The following DGCR8 variants were observed in gnomAD, a reference collection of about 807,000 sequenced individuals.
DGCR8 encodes microprocessor complex subunit DGCR8.
DGCR8 carries 14 observed loss-of-function variants against 78.5 expected under a neutral mutation model. That is an observed-to-expected ratio of 0.18 (90% CI 0.12 to 0.28). The LOEUF (loss-of-function observed/expected upper bound fraction) is 0.28, where lower values mean the gene tolerates loss of function less well. DGCR8 is among the 10% of genes least tolerant of loss of function. DGCR8 has a pLI of 1.00. For missense variants in DGCR8, 702 were observed against 1,022.5 expected, an observed-to-expected ratio of 0.69 and a Z score of 4.28; for synonymous variants, 399 against 402.4, an observed-to-expected ratio of 0.99 and a Z score of 0.10.
intron 11 of DGCR8, chr22:20,107,034 G>A (rs1047164971): frequency 6.9e-6 from 4 of 583,118 alleles, no homozygotes; most frequent in South Asian, 6.1e-5. Context: ...TCTCGGCTGC[G>A]TGGCTTTGAG....
At chr22:20,107,560 C>T in intron 12 of DGCR8, 162 bp downstream of exon 12, 3 of 787,424 alleles carry the variant, frequency 3.8e-6, no homozygotes, top group South Asian at 3.4e-5. Flanking sequence ...GGGGTGGGGT[C>T]GTCCCAGCTA....
chr22:20,087,447 C>G lies in DGCR8; in HGVS notation c.880+126C>G, dbSNP rs2147917334. ...GGCTGGGTGGAGGCATGTTTGAGGA[C>G]AGGACAGAAATATCTGAGGAGGGAA... On this transcript the variant is annotated intron_variant, in intron 3 of 13. Coordinates refer to ENST00000351989, the MANE Select transcript of DGCR8 (RefSeq NM_022720.7). This position sits in a 1 kb window ranked among gnomAD's most constrained non-coding sequence, Gnocchi z 4.1. The G allele has an allele frequency of 1.8e-6, 2 of 1,110,444 alleles. No homozygotes were observed. The highest frequency in any genetic ancestry group is 2.5e-6 in the Non-Finnish European group (2 of 792,816). 68.8% of individuals were successfully genotyped at this position (1,110,444 alleles called of 1,614,324 possible). A position where few individuals can be genotyped will look rare whatever the true frequency, so the allele number is the denominator to read the frequency against.
chr22:20,092,580 T>C (rs1368185780), intron 7 of DGCR8, among the ~76,000 whole-genome samples: 1 of 151,984 alleles, frequency 6.6e-6, no homozygotes, highest in African/African-American at 2.4e-5. Flanking sequence ...TGGCTCACCA[T>C]CTCCCACGTG....
Position 20,089,349 on chromosome 22 carries a change from GC to G in DGCR8, c.881-319del, listed in dbSNP as rs1368873265. Among the ~76,000 whole-genome samples the G allele has an allele frequency of 1.3e-5, 2 of 152,232 alleles. No homozygotes were observed. The highest frequency in any genetic ancestry group is 2.9e-5 in the Non-Finnish European group (2 of 68,044). On this transcript the variant is annotated intron_variant, in intron 3 of 13. Coordinates refer to ENST00000351989, the MANE Select transcript of DGCR8 (RefSeq NM_022720.7). The surrounding 1 kb of genome is among the most constrained non-coding windows in gnomAD (Gnocchi z 4.9). ...GGCGCCTCTGGCCACAACCAGACAG[GC>G]AGCAAAGGAGTCCAGTGTCCACAGT... is the stretch of plus-strand genomic sequence containing the variant.
intron 12 of DGCR8, 156 bp from the exon 13 acceptor site, chr22:20,108,734 A>C (rs2049799308): frequency 7.5e-6 from 3 of 399,524 alleles, no homozygotes; most frequent in Non-Finnish European, 1.4e-5. Flanking sequence ...CGGGCCAGTC[A>C]GCATGCAGTT....
chr22:20,100,415 G>A (rs2049683680), intron 9 of DGCR8: 1 of 985,280 alleles, frequency 1.0e-6, no homozygotes, highest in Non-Finnish European at 1.2e-6. Context: ...ATGGCTCCCA[G>A]GGAGGCTTCC....
chr22:20,100,919 G>T (rs1213664372), intron 9 of DGCR8: 1 of 825,538 alleles, frequency 1.2e-6, no homozygotes, highest in Non-Finnish European at 1.5e-6. Context: ...GCAAATGGGG[G>T]CCCCTGCCAC....
chr22:20,105,033 C>T (rs1052681168), intron 9 of DGCR8, among the ~76,000 whole-genome samples: 3 of 152,244 alleles, frequency 2.0e-5, no homozygotes, highest in African/African-American at 7.2e-5. Flanking sequence ...GTGGGGGAAG[C>T]ACTGTGAGGG....
chr22:20,093,410 A>C (rs373963073), intron 8 of DGCR8, among the ~76,000 whole-genome samples: 1 of 152,096 alleles, frequency 6.6e-6, no homozygotes, highest in East Asian at 1.9e-4. Flanking sequence ...GTCTAAAAAA[A>C]AAAAAGTAGA....
At chr22:20,091,307 CCCTTTGAA>C in intron 5 of DGCR8, 120 bp from the exon 6 acceptor site, 1 of 881,780 alleles carries the variant, frequency 1.1e-6, no homozygotes, top group South Asian at 1.6e-5. Flanking sequence ...TGCTTCCCTC[CCCTTTGAA>C]AGGGACGGGG....
At chr22:20,094,958 A>C (rs1329634503) in intron 9 of DGCR8, among the ~76,000 whole-genome samples, 163 bp downstream of exon 9, 1 of 152,076 alleles carries the variant, frequency 6.6e-6, no homozygotes, top group Admixed American at 6.5e-5. Context: ...TTTCATAAAG[A>C]GGAAACTTGC....
intron 8 of DGCR8, among the ~76,000 whole-genome samples, chr22:20,093,992 G>C (rs546016626): frequency 6.6e-6 from 1 of 152,182 alleles, no homozygotes; most frequent in Admixed American, 6.5e-5. Context: ...CTCAACAAAG[G>C]GGGTGTGGTG....
chr22:20,090,321 T>C lies in DGCR8; in HGVS notation c.1306+63T>C. 2.0e-6 allele frequency: 3 copies of C among 1,513,794 alleles called. No homozygotes were observed. The African/African-American group carries it at 4.2e-5, about 21-fold the overall frequency. 93.8% of individuals were successfully genotyped at this position (1,513,794 alleles called of 1,614,324 possible). A position where few individuals can be genotyped will look rare whatever the true frequency, so the allele number is the denominator to read the frequency against. On this transcript the variant is annotated intron_variant, in intron 5 of 13. Coordinates refer to ENST00000351989, the MANE Select transcript of DGCR8 (RefSeq NM_022720.7). ...GGACCCATGAGCTTTGTTTTTCTAA[T>C]GAAGGCCATAATTGTTCATAGTTCC...
chr22:20,110,855 G>T lies in DGCR8; in HGVS notation c.*747G>T. 4.3e-6 allele frequency: 1 copy of T among 232,926 alleles called. No homozygotes were observed. The highest frequency in any genetic ancestry group is 8.1e-5 in the East Asian group (1 of 12,340). The allele number at this position is 232,926 out of a possible 1,614,324, so 14.4% of individuals were successfully genotyped here. On this transcript the variant is annotated 3_prime_UTR_variant, in exon 14 of 14. Transcript: ENST00000351989. ...CTTAATTCCCTAAAAGCGCCTCTTT[G>T]GACACTGAGGCCCTCTCTGCCTTTC... is the stretch of plus-strand genomic sequence containing the variant.
intron 13 of DGCR8, among the ~76,000 whole-genome samples, chr22:20,109,630 G>A (rs2049811488): frequency 6.6e-6 from 1 of 152,228 alleles, no homozygotes. Context: ...GGTCGGAAGA[G>A]GGGCTGTGGG....
chr22:20,094,671 G>A, intron 8 of DGCR8, 42 bp from the exon 9 acceptor site: 1 of 1,561,046 alleles, frequency 6.4e-7, no homozygotes. Context: ...GTGAGAAGAG[G>A]GCAGTGCCCA....
rs113387675 is a variant in DGCR8 at position 20,094,625 on chromosome 22, T to A, written c.1706-88T>A. 54 of 1,192,322 alleles carry A rather than the reference T, an allele frequency of 4.5e-5. 1 individual carries two copies. The highest frequency in any genetic ancestry group is 3.8e-4 in the African/African-American group (25 of 66,594). 73.9% of individuals were successfully genotyped at this position (1,192,322 alleles called of 1,614,324 possible). ...TCGCTCAGCCTCTGAGCTGTGGGGA[T>A]GGGAGGCAGCAGTGCACAGTTCACT... On this transcript the variant is annotated intron_variant, in intron 8 of 13. Transcript: ENST00000351989.
At chr22:20,082,030 CAG>C (rs1280275726) in intron 1 of DGCR8, among the ~76,000 whole-genome samples, 1 of 151,862 alleles carries the variant, frequency 6.6e-6, no homozygotes, top group African/African-American at 2.4e-5. Context: ...TTTCTGGACA[CAG>C]AGTGATTCTT....
rs142081381 is a variant in DGCR8 at position 20,094,829 on chromosome 22, T to C, written c.1788+34T>C. On this transcript the variant is annotated intron_variant, in intron 9 of 13. Transcript: ENST00000351989. ...TGTGGTCCTGCCCTGCTGGGAGCTG[T>C]GTGTGCAGTGCGGCTACCCTGCCCT... 1,582 of 1,594,188 alleles carry C rather than the reference T, an allele frequency of 9.9e-4. 3 individuals carry two copies. The highest frequency in any genetic ancestry group is 1.2e-3 in the Non-Finnish European group (1,384 of 1,162,086).
Sources: gnomAD v4.1 joint callset for allele counts (sites outside exome capture counted in the v4.1 genomes callset) on GRCh38, gnomAD v4.1.1 for gene constraint, Gnocchi (gnomAD v3.1) non-coding constraint, MANE v1.5 for transcripts, NCBI Gene and HGNC (gene_info 2026-07-23, HGNC 2026-07-21) for gene names.